Variants in MAGI2 observed in about 807,000 individuals in gnomAD.
MAGI2 encodes the protein membrane-associated guanylate kinase, WW and PDZ domain-containing protein 2.
A neutral mutation model predicts 133.3 loss-of-function variants in MAGI2; 35 were observed. The ratio of observed to expected loss-of-function variants is 0.26; its 90% CI spans 0.20 to 0.35. The LOEUF (loss-of-function observed/expected upper bound fraction) is 0.35. MAGI2 is among the 10% of genes least tolerant of loss of function. The pLI is 1.00. For synonymous variants in MAGI2, 729 were observed against 710.6 expected (o/e 1.03, Z -0.41); for missense variants, 1,636 against 1,863.4 (o/e 0.88, Z 2.25).
chr7:78,498,569 C>G (rs1794337027), intron 5 of MAGI2, among the ~76,000 whole-genome samples: 1 of 152,096 alleles, frequency 6.6e-6, no homozygotes, highest in Non-Finnish European at 1.5e-5. Context: ...AAGTAAAGCA[C>G]AGTAAACCAT....
intron 19 of MAGI2, among the ~76,000 whole-genome samples, chr7:78,126,786 A>G (rs1382555194): frequency 1.3e-5 from 2 of 152,204 alleles, no homozygotes; most frequent in Non-Finnish European, 2.9e-5. Flanking sequence ...GTAGGGGGCC[A>G]CGTAAAAAAA....
intron 2 of MAGI2, chr7:78,941,002 T>C (rs1302125026): frequency 1.3e-5 from 2 of 152,222 alleles, no homozygotes; most frequent in East Asian, 3.9e-4. Context: ...GCCGCTTTCA[T>C]ATTACAAGGA....
At chr7:79,175,710 G>T (rs567463032) in intron 1 of MAGI2, among the ~76,000 whole-genome samples, 7 of 152,090 alleles carry the variant, frequency 4.6e-5, no homozygotes, top group African/African-American at 1.7e-4. Flanking sequence ...CTACAAATTT[G>T]TACAGCATGT....
At chr7:78,361,628 C>A (rs1230367321) in intron 7 of MAGI2, among the ~76,000 whole-genome samples, 1 of 152,042 alleles carries the variant, frequency 6.6e-6, no homozygotes, top group Non-Finnish European at 1.5e-5. Context: ...GTGAATAATT[C>A]ATTGTTATTT....
chr7:78,522,890 C>T (rs1038294623), intron 3 of MAGI2, among the ~76,000 whole-genome samples: 8 of 152,162 alleles, frequency 5.3e-5, no homozygotes, highest in Non-Finnish European at 7.3e-5. Flanking sequence ...CACCCAGGCA[C>T]TCCAGTATAT....
chr7:78,874,191 G>A (rs1200688362), intron 2 of MAGI2, among the ~76,000 whole-genome samples: 2 of 151,962 alleles, frequency 1.3e-5, no homozygotes, highest in Non-Finnish European at 2.9e-5. Flanking sequence ...TTTATGGAGA[G>A]AAACAACTTG....
chr7:79,420,934 T>C (rs892904058), intron 1 of MAGI2, among the ~76,000 whole-genome samples: 3 of 151,992 alleles, frequency 2.0e-5, no homozygotes, highest in Non-Finnish European at 2.9e-5. Context: ...AGAAAGCTTC[T>C]AAATAAATGA....
At chr7:78,776,232 A>T (rs1335557256) in intron 2 of MAGI2, among the ~76,000 whole-genome samples, 2 of 152,234 alleles carry the variant, frequency 1.3e-5, no homozygotes, top group Non-Finnish European at 2.9e-5. Flanking sequence ...TGTATCCCTC[A>T]ATGACACTTT....
chr7:78,200,294 G>A (rs1373868851), intron 11 of MAGI2, among the ~76,000 whole-genome samples: 1 of 152,178 alleles, frequency 6.6e-6, no homozygotes, highest in Admixed American at 6.5e-5. Flanking sequence ...CAGCTCTTGG[G>A]ACTTGGGCAA....
At chr7:78,037,892 C>A (rs1810397461) in intron 21 of MAGI2, among the ~76,000 whole-genome samples, 1 of 152,160 alleles carries the variant, frequency 6.6e-6, no homozygotes, top group Admixed American at 6.5e-5. Flanking sequence ...TTTGCTGAAG[C>A]AGTAGGAACT....
At chr7:79,140,332 C>T (rs1205806090) in intron 1 of MAGI2, among the ~76,000 whole-genome samples, 1 of 152,110 alleles carries the variant, frequency 6.6e-6, no homozygotes, top group Non-Finnish European at 1.5e-5. Context: ...ATCTATTTAT[C>T]AATTATTAGT....
chr7:79,153,092 G>A (rs1223265022), intron 1 of MAGI2, among the ~76,000 whole-genome samples: 2 of 152,122 alleles, frequency 1.3e-5, no homozygotes, highest in Non-Finnish European at 2.9e-5. Flanking sequence ...AAAGTGATAA[G>A]AACCCTTTCC....
At chr7:78,592,574 G>A (rs757969776) in intron 3 of MAGI2, among the ~76,000 whole-genome samples, 3 of 152,008 alleles carry the variant, frequency 2.0e-5, no homozygotes, top group Non-Finnish European at 4.4e-5. Context: ...ATACAACAAA[G>A]GCAAAGAGTG....
intron 3 of MAGI2, among the ~76,000 whole-genome samples, chr7:78,533,622 G>A (rs1230379727): frequency 6.6e-6 from 1 of 152,204 alleles, no homozygotes; most frequent in African/African-American, 2.4e-5. Flanking sequence ...GACTTGAAAT[G>A]TGGCTAGTTC....
intron 1 of MAGI2, among the ~76,000 whole-genome samples, chr7:79,214,830 A>T (rs1192567203): frequency 1.4e-5 from 2 of 144,298 alleles, no homozygotes; most frequent in South Asian, 2.1e-4. Flanking sequence ...TTTATAAATT[A>T]TAAAATTATA....
chr7:78,619,070 T>C (rs1468034136), intron 3 of MAGI2: 3 of 147,500 alleles, frequency 2.0e-5, no homozygotes, highest in African/African-American at 7.6e-5. Flanking sequence ...ACAACAAATA[T>C]TGAAGTGCTA....
At chr7:78,349,794 G>T (rs1791305934) in intron 7 of MAGI2, among the ~76,000 whole-genome samples, 1 of 152,168 alleles carries the variant, frequency 6.6e-6, no homozygotes, top group Non-Finnish European at 1.5e-5. Flanking sequence ...TGTGATTGTA[G>T]CTGAATAGAA....
chr7:79,196,557 C>T (rs1376316422), intron 1 of MAGI2, among the ~76,000 whole-genome samples: 1 of 151,938 alleles, frequency 6.6e-6, no homozygotes, highest in African/African-American at 2.4e-5. Flanking sequence ...CTACTTCCCC[C>T]TATCTTCTTA....
At chr7:78,169,596 C>T (rs1341021397) in intron 14 of MAGI2, among the ~76,000 whole-genome samples, 1 of 147,628 alleles carries the variant, frequency 6.8e-6, no homozygotes, top group Non-Finnish European at 1.5e-5. Context: ...CAGACTTAGT[C>T]CATGGAATAG....
Sources: allele counts gnomAD v4.1 joint callset (sites outside exome capture counted in the v4.1 genomes callset), GRCh38; gene constraint gnomAD v4.1.1; transcripts MANE v1.5; gene names NCBI Gene and HGNC (gene_info 2026-07-23, HGNC 2026-07-21).